NSD2: variants seen among roughly 807,000 people sequenced by gnomAD.
NSD2 encodes the protein histone-lysine N-methyltransferase NSD2.
Under a neutral mutation model 139.0 loss-of-function variants are expected in NSD2, and 12 were observed. The ratio of observed to expected loss-of-function variants is 0.09; its 90% CI spans 0.06 to 0.14. NSD2 has a LOEUF of 0.14. Ranked by LOEUF, NSD2 falls within the 10% of genes least tolerant of loss-of-function variation. The pLI is 1.00. For missense variants in NSD2, 1,155 were observed against 1,745.0 expected (o/e 0.66, Z 6.02); for synonymous variants, 669 against 648.7 (o/e 1.03, Z -0.48).
At chr4:1,906,859 C>T (rs1029141489) in intron 3 of NSD2, among the ~76,000 whole-genome samples, 4 of 151,512 alleles carry the variant, frequency 2.6e-5, no homozygotes, top group African/African-American at 9.7e-5. Context: ...TGGGGTTTCA[C>T]CATATTGGCC....
rs1243148676 is a variant in NSD2 at position 1,955,115 on chromosome 4, T to C, written c.2339-46T>C. 1.9e-6 allele frequency: 3 copies of C among 1,554,934 alleles called. No individual in the cohort carries two copies. Among genetic ancestry groups the C allele is most frequent in the South Asian group, 1.2e-5 (1 of 86,214 alleles). On this transcript the variant is annotated intron_variant, in intron 12 of 21. Coordinates refer to ENST00000508803, the MANE Select transcript of NSD2 (RefSeq NM_001042424.3). This position sits in a 1 kb window ranked among gnomAD's most constrained non-coding sequence, Gnocchi z 4.7. ...TATTAGTTGCTCTTTTCACTATGAC[T>C]GGAGTCAGTGTTTGGGGTCCTTAGG... is the stretch of plus-strand genomic sequence containing the variant.
intron 1 of NSD2, among the ~76,000 whole-genome samples, chr4:1,898,006 T>G (rs1219928562): frequency 6.6e-6 from 1 of 152,164 alleles, no homozygotes; most frequent in African/African-American, 2.4e-5. Context: ...TCCAAATATT[T>G]TTGCCTTTTT....
chr4:1,935,304 C>T (rs1419571435), intron 7 of NSD2, 42 bp downstream of exon 7: 5 of 1,477,940 alleles, frequency 3.4e-6, no homozygotes, highest in Non-Finnish European at 4.7e-6. Context: ...AGAGTGTATG[C>T]TCTGTGACTC....
intron 1 of NSD2, among the ~76,000 whole-genome samples, chr4:1,895,719 C>G (rs1274387967): frequency 6.6e-6 from 1 of 152,226 alleles, no homozygotes; most frequent in African/African-American, 2.4e-5. Flanking sequence ...GGGGGCTCCC[C>G]ATGAGCAGTT....
At chr4:1,946,418 C>T in intron 9 of NSD2, 1 of 451,352 alleles carries the variant, frequency 2.2e-6, no homozygotes, top group Non-Finnish European at 3.0e-6. Context: ...CAAGCGGCTG[C>T]CACCACACCT....
In NSD2 at chr4:1,948,845, C is replaced by T; in HGVS notation, c.1882-2227C>T. 1.0e-6 allele frequency: 1 copy of T among 991,094 alleles called. No individual in the cohort carries two copies. The highest frequency in any genetic ancestry group is 1.2e-6 in the Non-Finnish European group (1 of 825,566). 61.4% of individuals were successfully genotyped at this position (991,094 alleles called of 1,614,324 possible). A position where few individuals can be genotyped will look rare whatever the true frequency, so the allele number is the denominator to read the frequency against. On this transcript the variant is annotated intron_variant, in intron 9 of 21. Transcript: ENST00000508803. This position sits in a 1 kb window ranked among gnomAD's most constrained non-coding sequence, Gnocchi z 4.5. ...CCCAGGACTGCTTTGTGTTTTCTGT[C>T]TTTCTCTCCATGCATTTTTTTTCTC...
At chr4:1,969,050 G>C (rs986183049) in intron 18 of NSD2, among the ~76,000 whole-genome samples, 6 of 152,240 alleles carry the variant, frequency 3.9e-5, no homozygotes, top group Non-Finnish European at 5.9e-5. Context: ...GAGACCTGCA[G>C]TGTCACCCGG....
chr4:1,897,326 G>C (rs1716487930), intron 1 of NSD2, among the ~76,000 whole-genome samples: 1 of 151,926 alleles, frequency 6.6e-6, no homozygotes, highest in African/African-American at 2.4e-5. Flanking sequence ...ACAAAAAAAG[G>C]GTTAAAAAGT....
chr4:1,896,250 C>G (rs1441175088), intron 1 of NSD2, among the ~76,000 whole-genome samples: 1 of 152,256 alleles, frequency 6.6e-6, no homozygotes, highest in African/African-American at 2.4e-5. Flanking sequence ...CACCTCCCTT[C>G]TGTATTCCGG....
At chr4:1,969,898 A>C (rs1232441933) in intron 18 of NSD2, among the ~76,000 whole-genome samples, 1 of 152,250 alleles carries the variant, frequency 6.6e-6, no homozygotes, top group Non-Finnish European at 1.5e-5. Flanking sequence ...AGAACTCAGG[A>C]GTGAAACAAG....
intron 1 of NSD2, among the ~76,000 whole-genome samples, chr4:1,883,194 G>A (rs1049186653): frequency 6.6e-6 from 1 of 152,148 alleles, no homozygotes; most frequent in African/African-American, 2.4e-5. Flanking sequence ...CATTCTTTCT[G>A]TGTGCATTTA....
chr4:1,926,503 C>T (rs186465432), intron 5 of NSD2, among the ~76,000 whole-genome samples: 269 of 151,888 alleles, frequency 1.8e-3, no homozygotes, highest in African/African-American at 6.2e-3. Context: ...CAGGGTCTCA[C>T]TCTGTTGCCC....
At chr4:1,971,559 T>C (rs1369770701) in intron 18 of NSD2, among the ~76,000 whole-genome samples, 1 of 151,960 alleles carries the variant, frequency 6.6e-6, no homozygotes, top group African/African-American at 2.4e-5. Context: ...AATAAATAAA[T>C]CTCTTCTTAC....
At chr4:1,889,459 T>A (rs560638369) in intron 1 of NSD2, among the ~76,000 whole-genome samples, 6 of 152,078 alleles carry the variant, frequency 3.9e-5, no homozygotes, top group African/African-American at 1.4e-4. Context: ...CCAACCAGAG[T>A]GCTGGGATTA....
intron 3 of NSD2, among the ~76,000 whole-genome samples, chr4:1,915,357 G>A (rs1176733935): frequency 6.6e-6 from 1 of 151,990 alleles, no homozygotes; most frequent in African/African-American, 2.4e-5. Flanking sequence ...CTCGTGGTCC[G>A]CCTGCCTCGG....
chr4:1,953,582 C>A, intron 12 of NSD2, 58 bp downstream of exon 12: 2 of 1,520,302 alleles, frequency 1.3e-6, no homozygotes, highest in South Asian at 1.3e-5. Context: ...GACGCAGGCC[C>A]ATGGGCGCTT....
intron 5 of NSD2, among the ~76,000 whole-genome samples, chr4:1,928,233 G>A (rs1185179106): frequency 7.2e-5 from 11 of 152,100 alleles, no homozygotes; most frequent in Admixed American, 7.2e-4. Context: ...TAAAGAAGTG[G>A]CCACTATTGA....
chr4:1,903,235 T>C (rs1050358006), intron 2 of NSD2, among the ~76,000 whole-genome samples: 1 of 152,224 alleles, frequency 6.6e-6, no homozygotes, highest in East Asian at 1.9e-4. Flanking sequence ...ATAGTGCTCT[T>C]GAGCAAGGCT....
intron 5 of NSD2, among the ~76,000 whole-genome samples, chr4:1,923,625 C>A (rs190693823): frequency 4.6e-5 from 7 of 152,172 alleles, no homozygotes; most frequent in Non-Finnish European, 1.0e-4. Context: ...GGTGAAACAT[C>A]ATTTATTACA....
Sources: gnomAD v4.1 joint callset for allele counts (sites outside exome capture counted in the v4.1 genomes callset) on GRCh38, gnomAD v4.1.1 for gene constraint, Gnocchi (gnomAD v3.1) non-coding constraint, MANE v1.5 for transcripts, NCBI Gene and HGNC (gene_info 2026-07-23, HGNC 2026-07-21) for gene names.